Variants in FAM135A observed in about 807,000 individuals in gnomAD.
FAM135A encodes the protein protein FAM135A.
In FAM135A, 79 loss-of-function variants were observed where a neutral mutation model predicts 146.8. The ratio of observed to expected loss-of-function variants is 0.54; its 90% CI spans 0.45 to 0.65. The LOEUF is 0.65. Among genes scored for constraint, FAM135A ranks in the 30% least tolerant of loss-of-function variants. FAM135A has a pLI of 0.00. For synonymous variants in FAM135A, 562 were observed against 603.6 expected (o/e 0.93, Z 1.01); for missense variants, 1,623 against 1,758.2 (o/e 0.92, Z 1.38).
intron 11 of FAM135A, among the ~76,000 whole-genome samples, chr6:70,501,529 A>G (rs1043497970): frequency 6.6e-6 from 1 of 152,060 alleles, no homozygotes; most frequent in Non-Finnish European, 1.5e-5. Context: ...GGTTCCAGGC[A>G]CCACTGGGTT....
At chr6:70,486,142 T>C in intron 10 of FAM135A, 2 of 1,607,306 alleles carry the variant, frequency 1.2e-6, no homozygotes, top group South Asian at 1.1e-5. Context: ...TAGTAACTAG[T>C]GCTGTGTGCA....
intron 20 of FAM135A, among the ~76,000 whole-genome samples, chr6:70,553,787 A>G (rs1562033553): frequency 6.6e-6 from 1 of 152,214 alleles, no homozygotes; most frequent in Non-Finnish European, 1.5e-5. Context: ...CTCTCAGGAA[A>G]GAAATTTATA....
chr6:70,454,836 T>C (rs1021776305), intron 5 of FAM135A, among the ~76,000 whole-genome samples: 2 of 152,188 alleles, frequency 1.3e-5, no homozygotes, highest in African/African-American at 4.8e-5. Context: ...ACTGTAGCCT[T>C]GTAGTATAGT....
At chr6:70,535,298 T>C (rs1796590938) in intron 18 of FAM135A, among the ~76,000 whole-genome samples, 1 of 152,176 alleles carries the variant, frequency 6.6e-6, no homozygotes, top group Non-Finnish European at 1.5e-5. Flanking sequence ...GGGAATCTTA[T>C]ACCATCTGTT....
In FAM135A at chr6:70,477,065, TTAAG is replaced by T. The variant is rs1782749621; in HGVS notation, c.369-90_369-87del. 9.3e-6 allele frequency: 12 copies of T among 1,284,970 alleles called. No individual in the cohort carries two copies. The African/African-American group carries it at 1.2e-4, about 13-fold the overall frequency. The allele number at this position is 1,284,970 out of a possible 1,614,324, so 79.6% of individuals were successfully genotyped here. A position where few individuals can be genotyped will look rare whatever the true frequency, so the allele number is the denominator to read the frequency against. On this transcript the variant is annotated intron_variant, in intron 7 of 21. Transcript: ENST00000418814. ...CTTATTCGAAATTTTTAAAAAGTAA[TTAAG>T]TAAATAGTTTTTATAGTTTCAACTA...
intron 5 of FAM135A, among the ~76,000 whole-genome samples, chr6:70,464,213 A>T (rs1345135130): frequency 6.6e-6 from 1 of 152,250 alleles, no homozygotes; most frequent in Non-Finnish European, 1.5e-5. Context: ...AATTATCATG[A>T]TTGAATGTAA....
At chr6:70,484,283 T>C (rs1784235051) in intron 10 of FAM135A, among the ~76,000 whole-genome samples, 1 of 152,140 alleles carries the variant, frequency 6.6e-6, no homozygotes, top group Admixed American at 6.5e-5. Context: ...GGCTTATAAA[T>C]TACCTGTATA....
At chr6:70,507,302 G>A (rs1319566862) in intron 12 of FAM135A, among the ~76,000 whole-genome samples, 1 of 152,152 alleles carries the variant, frequency 6.6e-6, no homozygotes, top group Non-Finnish European at 1.5e-5. Flanking sequence ...TGCAATTCAA[G>A]AGGAACCTTG....
rs373947322 is a variant in FAM135A, at chr6:70,510,626, T to C, written c.1029+7835T>C. Reference sequence around the variant, plus strand: ...TAATGATTTATTTTTGTAGCAGAATTCCATTGTATGGATATACTACATTAT... The same window carrying C: ...TAATGATTTATTTTTGTAGCAGAATCCCATTGTATGGATATACTACATTAT... On this transcript the variant is annotated intron_variant, in intron 12 of 21. Coordinates refer to ENST00000418814, the MANE Select transcript of FAM135A (RefSeq NM_001162529.3). 2.3e-4 allele frequency among the ~76,000 whole-genome samples: 35 copies of C among 152,228 alleles called. No individual in the cohort carries two copies. The East Asian group carries it at 2.3e-3, about 10-fold the overall frequency.
At chr6:70,472,316 A>G (rs1318110841) in intron 5 of FAM135A, among the ~76,000 whole-genome samples, 1 of 152,112 alleles carries the variant, frequency 6.6e-6, no homozygotes, top group Non-Finnish European at 1.5e-5. Context: ...TCTTCAACAT[A>G]CTCAGAAGTT....
At chr6:70,431,316 A>G (rs1216381421) in intron 4 of FAM135A, among the ~76,000 whole-genome samples, 1 of 152,176 alleles carries the variant, frequency 6.6e-6, no homozygotes, top group Non-Finnish European at 1.5e-5. Flanking sequence ...GGCTTGGCTC[A>G]TCTTTGCTGG....
chr6:70,440,910 G>C (rs977987799), intron 4 of FAM135A, among the ~76,000 whole-genome samples: 2 of 152,086 alleles, frequency 1.3e-5, no homozygotes, highest in Non-Finnish European at 2.9e-5. Context: ...GAAGAATTTT[G>C]CCTCATTAAC....
In FAM135A at chr6:70,475,487, G is replaced by A; in HGVS notation, c.235G>A (p.Glu79Lys). 6.2e-7 allele frequency: 1 copy of A among 1,606,436 alleles called. No homozygotes were observed. Among genetic ancestry groups the A allele is most frequent in the Non-Finnish European group, 8.5e-7 (1 of 1,177,206 alleles). The part of the protein sequence containing the change: ...SKTFQILYKN[E>K]EVVLNDVMIF... ...AACATTTCAAATTTTGTACAAAAAT[G>A]AAGAGGTTGTTTTAAATGATGTTAT... The change falls in exon 6 of 22, where the codon GAA (glutamate) becomes AAA (lysine). Residue 79 changes from glutamate to lysine, a missense_variant. Around this residue, in one of 7 missense-constraint regions of FAM135A, gnomAD observed 171 missense variants for 164.9 expected, o/e 1.04. Coordinates refer to ENST00000418814, the MANE Select transcript of FAM135A (RefSeq NM_001162529.3).
chr6:70,422,797 ATTAAG>A (rs1315925473), intron 2 of FAM135A, among the ~76,000 whole-genome samples: 1 of 152,204 alleles, frequency 6.6e-6, no homozygotes, highest in African/African-American at 2.4e-5. Flanking sequence ...TTCCTTAAAT[ATTAAG>A]TTGAGTACTA....
intron 2 of FAM135A, among the ~76,000 whole-genome samples, chr6:70,415,749 T>C (rs1767419153): frequency 1.3e-5 from 2 of 152,134 alleles, no homozygotes; most frequent in Non-Finnish European, 2.9e-5. Flanking sequence ...ATAAATTAAA[T>C]AGGGATTTGT....
At chr6:70,463,808 G>T (rs1364999317) in intron 5 of FAM135A, among the ~76,000 whole-genome samples, 1 of 152,142 alleles carries the variant, frequency 6.6e-6, no homozygotes, top group Admixed American at 6.5e-5. Context: ...GAATTAAACT[G>T]CATAGATTAC....
intron 4 of FAM135A, among the ~76,000 whole-genome samples, chr6:70,444,457 C>T (rs566461308): frequency 4.2e-4 from 64 of 151,894 alleles, no homozygotes; most frequent in African/African-American, 1.5e-3. Flanking sequence ...TCCAGCTACT[C>T]GGGAGGCTGA....
chr6:70,461,185 A>G (rs1314209248), intron 5 of FAM135A, among the ~76,000 whole-genome samples: 2 of 152,160 alleles, frequency 1.3e-5, no homozygotes, highest in African/African-American at 4.8e-5. Flanking sequence ...GCTCTGATGT[A>G]GTTAACAAAA....
intron 21 of FAM135A, 34 bp downstream of exon 21, chr6:70,556,897 G>A (rs1350498403): frequency 1.3e-6 from 2 of 1,572,400 alleles, no homozygotes; most frequent in Admixed American, 3.4e-5. Flanking sequence ...AGAGTTATAG[G>A]TATTAATGAG....
Sources: gnomAD v4.1 joint callset for allele counts (sites outside exome capture counted in the v4.1 genomes callset) on GRCh38, gnomAD v4.1.1 for gene constraint, gnomAD v4.1.1 regional missense constraint, MANE v1.5 for transcripts, NCBI Gene and HGNC (gene_info 2026-07-23, HGNC 2026-07-21) for gene names.